Variants in DCDC1 observed in about 807,000 individuals in gnomAD.
DCDC1 encodes the protein doublecortin domain containing 1.
Under a neutral mutation model 178.3 loss-of-function variants are expected in DCDC1, and 200 were observed. That is an observed-to-expected ratio of 1.12 (90% confidence interval 1.00 to 1.26). The LOEUF (loss-of-function observed/expected upper bound fraction) is 1.26. DCDC1 is among the 50% of genes most tolerant of loss of function. DCDC1 has a pLI of 0.00. For synonymous variants in DCDC1, 690 were observed against 604.8 expected (o/e 1.14, Z -2.07); for missense variants, 1,983 against 1,749.2 (o/e 1.13, Z -2.38).
Position 31,369,458 on chromosome 11 carries a change from C to T in DCDC1, c.-125+239G>A, listed in dbSNP as rs1408056212. On this transcript the variant is annotated intron_variant, in intron 1 of 38. Transcript: ENST00000684477. Reference sequence around the variant, plus strand: ...CGAGAGTGGCATCAGGTCTCCTCATCCTTCTCACATCCTTGCCCCCGCACC... The same window carrying T: ...CGAGAGTGGCATCAGGTCTCCTCATTCTTCTCACATCCTTGCCCCCGCACC... Among the ~76,000 whole-genome samples the T allele has an allele frequency of 3.9e-5, 6 of 152,170 alleles. No individual in the cohort carries two copies. In the East Asian group the frequency reaches 9.6e-4, roughly 24 times the overall value.
intron 7 of DCDC1, among the ~76,000 whole-genome samples, chr11:31,273,828 G>A (rs1398265515): frequency 2.6e-5 from 4 of 152,116 alleles, no homozygotes; most frequent in Non-Finnish European, 5.9e-5. Context: ...CACATGGCTG[G>A]GGAGGCTTCA....
At chr11:31,298,329 T>C (rs1355573952) in intron 6 of DCDC1, among the ~76,000 whole-genome samples, 1 of 152,200 alleles carries the variant, frequency 6.6e-6, no homozygotes, top group Admixed American at 6.5e-5. Flanking sequence ...CCACACCTGG[T>C]GGTTTTCAAA....
At chr11:31,299,028 G>C (rs183741049) in intron 6 of DCDC1, among the ~76,000 whole-genome samples, 1 of 152,132 alleles carries the variant, frequency 6.6e-6, no homozygotes, top group African/African-American at 2.4e-5. Context: ...CAAATGCTCC[G>C]ACAGTAAGAA....
rs902895366 is a variant in DCDC1 at position 31,306,215 on chromosome 11, T to A, written c.591+17A>T. On this transcript the variant is annotated intron_variant, in intron 5 of 38. Transcript: ENST00000684477. ...GGAAAAAAAATAAAGCACAGAAAAC[T>A]TTGGAACACTAGTTACCAAGGTGAT... 6.8e-7 allele frequency: 1 copy of A among 1,478,758 alleles called. No individual in the cohort carries two copies. The highest frequency in any genetic ancestry group is 9.0e-7 in the Non-Finnish European group (1 of 1,113,158). The allele number at this position is 1,478,758 out of a possible 1,614,324, so 91.6% of individuals were successfully genotyped here. A position where few individuals can be genotyped will look rare whatever the true frequency, so the allele number is the denominator to read the frequency against.
At chr11:31,006,557 T>C (rs1184555830) in intron 20 of DCDC1, among the ~76,000 whole-genome samples, 1 of 152,234 alleles carries the variant, frequency 6.6e-6, no homozygotes, top group East Asian at 1.9e-4. Flanking sequence ...AGTGTATAAC[T>C]GGAAATGTTG....
intron 15 of DCDC1, among the ~76,000 whole-genome samples, chr11:31,101,835 G>A (rs1834490): frequency 0.34 from 51,773 of 151,952 alleles, 9,212 homozygotes; most frequent in Middle Eastern, 0.38. Flanking sequence ...ACAGCAATTT[G>A]GGAGGCCGAG....
intron 1 of DCDC1, among the ~76,000 whole-genome samples, chr11:31,362,440 A>T (rs1388066499): frequency 6.6e-6 from 1 of 152,220 alleles, no homozygotes; most frequent in Non-Finnish European, 1.5e-5. Flanking sequence ...CAGACAAGGT[A>T]GTAATTTATG....
chr11:30,895,388 G>A lies in DCDC1; in HGVS notation c.4766-1004C>T, dbSNP rs1471761402. On this transcript the variant is annotated intron_variant, in intron 34 of 38. Transcript: ENST00000684477. ...AACAGGAGTTGCTAACCTAGTCTGA[G>A]GCACAACAGAAGGCTTCTTAGAGAG... Among the ~76,000 whole-genome samples the A allele has an allele frequency of 2.0e-5, 3 of 152,106 alleles. No individual in the cohort carries two copies. The East Asian group carries it at 5.8e-4, about 29-fold the overall frequency.
chr11:30,910,625 G>GTAAGGGA (rs1945376422), intron 28 of DCDC1, among the ~76,000 whole-genome samples: 2 of 152,134 alleles, frequency 1.3e-5, no homozygotes, highest in Non-Finnish European at 2.9e-5. Context: ...ATGCAAAGCA[G>GTAAGGGA]GAATGCCTCT....
At chr11:31,299,877 G>A (rs7121517) in intron 6 of DCDC1, among the ~76,000 whole-genome samples, 1 of 150,528 alleles carries the variant, frequency 6.6e-6, no homozygotes, top group Admixed American at 6.6e-5. Context: ...TATTTTTTTT[G>A]AGACAGAGTC....
At chr11:30,884,033 A>ATTTTTTGTTTTTTTT (rs1942941684) in intron 36 of DCDC1, among the ~76,000 whole-genome samples, 1 of 95,784 alleles carries the variant, frequency 1.0e-5, no homozygotes, top group Non-Finnish European at 2.0e-5. Flanking sequence ...ATTCTTTCTC[A>ATTTTTTGTTTTTTTT]TTTTTTTTTT....
At chr11:31,230,080 G>A (rs1365564702) in intron 9 of DCDC1, among the ~76,000 whole-genome samples, 1 of 152,074 alleles carries the variant, frequency 6.6e-6, no homozygotes. Context: ...TCTGTTCACA[G>A]ATGAGATTAT....
chr11:30,880,282 G>A (rs1942538428), intron 37 of DCDC1, among the ~76,000 whole-genome samples: 1 of 152,110 alleles, frequency 6.6e-6, no homozygotes, highest in African/African-American at 2.4e-5. Context: ...GATGGTGCAG[G>A]AGGAATATTT....
At chr11:31,169,298 C>T (rs1403410963) in intron 9 of DCDC1, among the ~76,000 whole-genome samples, 1 of 152,098 alleles carries the variant, frequency 6.6e-6, no homozygotes, top group Admixed American at 6.6e-5. Flanking sequence ...TACCATGGCA[C>T]ATGTATACCT....
intron 9 of DCDC1, among the ~76,000 whole-genome samples, chr11:31,212,689 C>G (rs1972719639): frequency 6.6e-6 from 1 of 152,082 alleles, no homozygotes. Flanking sequence ...ATTAATTTAT[C>G]TTTGGATACA....
chr11:31,072,044 A>C (rs1477166189), intron 18 of DCDC1, among the ~76,000 whole-genome samples: 1 of 152,248 alleles, frequency 6.6e-6, no homozygotes, highest in Non-Finnish European at 1.5e-5. Flanking sequence ...TTGTTACACA[A>C]TTAAAAAATA....
At chr11:31,307,550 T>G in intron 4 of DCDC1, 89 bp downstream of exon 4, 2 of 1,505,820 alleles carry the variant, frequency 1.3e-6, no homozygotes, top group Non-Finnish European at 1.8e-6. Context: ...TTTTAATGTC[T>G]GAGATAGTCA....
intron 20 of DCDC1, among the ~76,000 whole-genome samples, chr11:31,052,932 A>G (rs545272188): frequency 6.6e-6 from 1 of 152,274 alleles, no homozygotes; most frequent in East Asian, 1.9e-4. Flanking sequence ...GGAACTAGAG[A>G]AACAAGAACA....
At chr11:30,890,052 A>G (rs1400309390) in intron 36 of DCDC1, among the ~76,000 whole-genome samples, 1 of 152,168 alleles carries the variant, frequency 6.6e-6, no homozygotes, top group Non-Finnish European at 1.5e-5. Flanking sequence ...AGGAAAGGAT[A>G]TGTGTGAACA....
Sources: allele counts gnomAD v4.1 joint callset (sites outside exome capture counted in the v4.1 genomes callset), GRCh38; gene constraint gnomAD v4.1.1; transcripts MANE v1.5; gene names NCBI Gene and HGNC (gene_info 2026-07-23, HGNC 2026-07-21).